Variants in ITGB5 observed in about 807,000 individuals in gnomAD.
ITGB5 encodes the protein integrin subunit beta 5, also known as integrin beta-5.
ITGB5 carries 38 observed loss-of-function variants against 84.8 expected under a neutral mutation model. That is an observed-to-expected ratio of 0.45 (90% CI 0.35 to 0.59). ITGB5 has a LOEUF of 0.59. Among genes scored for constraint, ITGB5 ranks in the 20% least tolerant of loss-of-function variants. ITGB5 has a pLI of 0.01. For missense variants in ITGB5, 905 were observed against 1,034.5 expected (o/e 0.87, Z 1.72); for synonymous variants, 393 against 414.4 (o/e 0.95, Z 0.63).
chr3:124,861,622 C>T (rs1322144779), intron 2 of ITGB5, among the ~76,000 whole-genome samples: 3 of 148,352 alleles, frequency 2.0e-5, no homozygotes, highest in Non-Finnish European at 4.4e-5. Flanking sequence ...AGTACAGTGG[C>T]GCAATCTCAG....
chr3:124,798,200 G>T (rs535538183), intron 9 of ITGB5, among the ~76,000 whole-genome samples: 1 of 150,596 alleles, frequency 6.6e-6, no homozygotes, highest in Non-Finnish European at 1.5e-5. Flanking sequence ...TTACAGGTGC[G>T]CGCCACCACA....
chr3:124,844,426 G>A (rs1056306607), intron 4 of ITGB5, among the ~76,000 whole-genome samples: 1 of 152,092 alleles, frequency 6.6e-6, no homozygotes, highest in Non-Finnish European at 1.5e-5. Context: ...TGGGCATGGT[G>A]GTGGGCACCT....
chr3:124,766,072 A>AAAG (rs1348000064), intron 13 of ITGB5, among the ~76,000 whole-genome samples, 154 bp downstream of exon 13: 4 of 151,968 alleles, frequency 2.6e-5, no homozygotes, highest in African/African-American at 9.7e-5. Flanking sequence ...AAAAAAAAAA[A>AAAG]AAAAGAAAAA....
intron 9 of ITGB5, 54 bp from the exon 10 acceptor site, chr3:124,796,871 A>G: frequency 6.5e-7 from 1 of 1,529,646 alleles, no homozygotes; most frequent in South Asian, 1.3e-5. Flanking sequence ...AGGGTCTCCC[A>G]TTCACCCAGG....
At chr3:124,768,350 C>T (rs369823395) in intron 12 of ITGB5, among the ~76,000 whole-genome samples, 2 of 152,344 alleles carry the variant, frequency 1.3e-5, no homozygotes, top group East Asian at 1.9e-4. Flanking sequence ...ACCATTCCCA[C>T]TAATTCTGAA....
chr3:124,837,724 ATAAC>A (rs1170901823), intron 5 of ITGB5, among the ~76,000 whole-genome samples: 2 of 152,374 alleles, frequency 1.3e-5, no homozygotes, highest in African/African-American at 2.4e-5. Flanking sequence ...CCACAAGTTG[ATAAC>A]TAACAGTCCA....
At chr3:124,805,150 T>TC (rs1491247639) in intron 9 of ITGB5, among the ~76,000 whole-genome samples, 12 of 148,596 alleles carry the variant, frequency 8.1e-5, no homozygotes, top group African/African-American at 2.5e-4. Flanking sequence ...TCTCTCTCTC[T>TC]TTCTTTCTTT....
At chr3:124,849,954 G>A (rs1369299935) in intron 3 of ITGB5, among the ~76,000 whole-genome samples, 7 of 152,048 alleles carry the variant, frequency 4.6e-5, no homozygotes, top group African/African-American at 1.7e-4. Context: ...TCCTGCAGTA[G>A]AACTGTCTAC....
intron 3 of ITGB5, among the ~76,000 whole-genome samples, chr3:124,851,115 C>G (rs2065146911): frequency 6.6e-6 from 1 of 152,104 alleles, no homozygotes; most frequent in Non-Finnish European, 1.5e-5. Context: ...ACTTTAAAAC[C>G]AGGAAACAAA....
At chr3:124,802,672 C>T (rs2650067) in intron 9 of ITGB5, among the ~76,000 whole-genome samples, 27,616 of 152,118 alleles carry the variant, frequency 0.18, 2,958 homozygotes, top group African/African-American at 0.29. Flanking sequence ...TTTCATTTTG[C>T]ACTGGGACCT....
At chr3:124,779,698 G>A (rs1057494392) in intron 10 of ITGB5, among the ~76,000 whole-genome samples, 3 of 152,130 alleles carry the variant, frequency 2.0e-5, no homozygotes, top group Admixed American at 1.3e-4. Context: ...TATTTAAATG[G>A]GGCCAGTAAA....
intron 8 of ITGB5, among the ~76,000 whole-genome samples, chr3:124,816,422 G>T (rs2064593619): frequency 6.6e-6 from 1 of 152,238 alleles, no homozygotes; most frequent in African/African-American, 2.4e-5. Context: ...AGGTTAGCCA[G>T]AAAAACCTGT....
intron 1 of ITGB5, among the ~76,000 whole-genome samples, chr3:124,875,884 G>A (rs1934287102): frequency 6.6e-6 from 1 of 152,176 alleles, no homozygotes; most frequent in East Asian, 1.9e-4. Flanking sequence ...ACACTATTAA[G>A]CGAGGCACAG....
At chr3:124,766,159 A>G in intron 13 of ITGB5, 67 bp downstream of exon 13, 1 of 1,550,188 alleles carries the variant, frequency 6.5e-7, no homozygotes, top group Non-Finnish European at 8.8e-7. Flanking sequence ...CCCAGAGCAG[A>G]GAATGGCATC....
chr3:124,798,375 A>G (rs1668287761), intron 9 of ITGB5, among the ~76,000 whole-genome samples: 1 of 151,584 alleles, frequency 6.6e-6, no homozygotes, highest in South Asian at 2.1e-4. Flanking sequence ...TTAAAATGTC[A>G]TCATTCACTT....
At chr3:124,793,974 T>C (rs1478326696) in intron 10 of ITGB5, among the ~76,000 whole-genome samples, 1 of 152,254 alleles carries the variant, frequency 6.6e-6, no homozygotes, top group Non-Finnish European at 1.5e-5. Context: ...AACCCACGTC[T>C]GTGCAACCCT....
At chr3:124,893,447 A>G (rs1935041275) in intron 1 of ITGB5, among the ~76,000 whole-genome samples, 1 of 152,186 alleles carries the variant, frequency 6.6e-6, no homozygotes, top group Admixed American at 6.5e-5. Flanking sequence ...TTTTATTTGA[A>G]AAATACCAAA....
intron 10 of ITGB5, 79 bp downstream of exon 10, chr3:124,796,309 T>G: frequency 7.6e-7 from 1 of 1,323,012 alleles, no homozygotes; most frequent in African/African-American, 1.5e-5. Context: ...CACCACTGAG[T>G]AAAAGGCAGG....
chr3:124,838,408 TCC>T (rs2064966066), intron 5 of ITGB5, among the ~76,000 whole-genome samples: 1 of 152,194 alleles, frequency 6.6e-6, no homozygotes, highest in African/African-American at 2.4e-5. Context: ...AAGTATACTG[TCC>T]ATATTGTTTT....
Sources: allele counts gnomAD v4.1 joint callset (sites outside exome capture counted in the v4.1 genomes callset), GRCh38; gene constraint gnomAD v4.1.1; transcripts MANE v1.5; gene names NCBI Gene and HGNC (gene_info 2026-07-23, HGNC 2026-07-21).